The following LAMA5 variants were observed in gnomAD, a reference collection of about 807,000 sequenced individuals.
LAMA5 encodes laminin subunit alpha-5.
LAMA5 carries 260 observed loss-of-function variants against 433.4 expected under a neutral mutation model. The observed-to-expected ratio is 0.60, with a 90% confidence interval of 0.54 to 0.66. The LOEUF is 0.66. Ranked by LOEUF, LAMA5 falls within the 30% of genes least tolerant of loss-of-function variation. The pLI is 0.00. For synonymous variants in LAMA5, 2,620 were observed against 2,226.6 expected (o/e 1.18, Z -4.97); for missense variants, 5,378 against 5,258.5 (o/e 1.02, Z -0.70).
chr20:62,364,952 A>C (rs977143019), intron 1 of LAMA5, among the ~76,000 whole-genome samples: 3 of 152,118 alleles, frequency 2.0e-5, no homozygotes, highest in Non-Finnish European at 2.9e-5. Context: ...CCTTGCCCCA[A>C]CCGCAGCTCC....
In LAMA5 at chr20:62,320,822, G is replaced by A. The variant is rs1226336451; in HGVS notation, c.6565C>T (p.His2189Tyr). The change falls in exon 49 of 80, where the codon CAC (histidine) becomes TAC (tyrosine). Residue 2189 changes from histidine to tyrosine, a missense_variant. His to Tyr is a moderately conservative substitution (Grantham distance 83, BLOSUM62 2). Coordinates refer to ENST00000252999, the MANE Select transcript of LAMA5 (RefSeq NM_005560.6). ...GCATTGATGCCACGCAGTTGCTCGT[G>A]AATGGCGGGGAGGAGGGCGCCGGCC... ...ERAGALLPAI[H>Y]EQLRGINASS... 2 of 1,612,550 alleles carry A rather than the reference G, an allele frequency of 1.2e-6. No homozygotes were observed. The highest frequency in any genetic ancestry group is 1.3e-5 in the African/African-American group (1 of 74,958).
chr20:62,333,410 G>A lies in LAMA5; in HGVS notation c.3093C>T (p.Cys1031=), dbSNP rs1980880570. 6.2e-7 allele frequency: 1 copy of A among 1,612,744 alleles called. No homozygotes were observed. Among genetic ancestry groups the A allele is most frequent in the Non-Finnish European group, 8.5e-7 (1 of 1,179,902 alleles). ...ACTGCTGGGCAGAGGGACGGTATGTGCAGGCCTCAGTCACCCGCAGCTGCA... is the reference window on the plus strand; with the variant it reads ...ACTGCTGGGCAGAGGGACGGTATGTACAGGCCTCAGTCACCCGCAGCTGCA... ...ALLQLRVTEA[C]TYRPSAQQSG... is the part of the protein sequence containing the mutation. Residue 1031 remains cysteine, a synonymous_variant, in exon 25 of 80, where the codon TGC becomes TGT. Transcript: ENST00000252999.
intron 32 of LAMA5, among the ~76,000 whole-genome samples, chr20:62,329,494 CTCTG>C (rs1273050403): frequency 2.6e-5 from 4 of 152,200 alleles, no homozygotes; most frequent in South Asian, 2.1e-4. Flanking sequence ...TCTCCCACAT[CTCTG>C]TCTGCTGGCC....
rs1156445113 is a variant in LAMA5 at position 62,347,007 on chromosome 20, G to C, written c.978C>G (p.His326Gln). The C allele has an allele frequency of 6.2e-7, 1 of 1,611,630 alleles. No individual in the cohort carries two copies. The highest frequency in any genetic ancestry group is 8.5e-7 in the Non-Finnish European group (1 of 1,179,888). Residue 326 changes from histidine (H) to glutamine (Q), a missense_variant, in exon 7 of 80, where the codon CAC becomes CAG. Physicochemically the swap from His to Gln is conservative, Grantham distance 24 (BLOSUM62 0). Transcript: ENST00000252999. The part of the protein sequence containing the change: ...DPFRLQCTCQ[H>Q]NTCGGTCDRC... Reference sequence around the variant, plus strand: ...GGTCGCAGGTGCCCCCGCAGGTGTTGTGCTGGCAGGTGCACTGCAGCCTGT... The same window carrying C: ...GGTCGCAGGTGCCCCCGCAGGTGTTCTGCTGGCAGGTGCACTGCAGCCTGT...
At chr20:62,365,117 G>A (rs144690307) in intron 1 of LAMA5, among the ~76,000 whole-genome samples, 137 of 152,366 alleles carry the variant, frequency 9.0e-4, no homozygotes, top group African/African-American at 2.2e-3. Flanking sequence ...CAGCCTCAGC[G>A]GGCACTCACT....
In LAMA5 at chr20:62,312,214, T is replaced by C; in HGVS notation, c.9463A>G (p.Ser3155Gly). 2 of 1,610,462 alleles carry C rather than the reference T, an allele frequency of 1.2e-6. No homozygotes were observed. Among genetic ancestry groups the C allele is most frequent in the Middle Eastern group, 1.7e-4 (1 of 6,056 alleles). ...TAGAGCAGGGCACTGTCCTGGGCGC[T>C]GTGGAAGCCGAAGCCGGAGTAGACG... ...GNVYSGFGFHSAQDSALLYYR... is the reference protein window; with the variant it reads ...GNVYSGFGFHGAQDSALLYYR... Residue 3155 changes from serine (S) to glycine (G), a missense_variant, in exon 69 of 80, where the codon AGC (serine) becomes GGC (glycine). Ser to Gly is a moderately conservative substitution (Grantham distance 56). Coordinates refer to ENST00000252999, the MANE Select transcript of LAMA5 (RefSeq NM_005560.6).
At position 62,311,853 on chromosome 20, in the gene LAMA5, G is replaced by C; in HGVS notation, c.9635+67C>G. 2.1e-6 allele frequency: 3 copies of C among 1,398,656 alleles called. No homozygotes were observed. In the South Asian group the frequency reaches 3.8e-5, roughly 17 times the overall value. The allele number at this position is 1,398,656 out of a possible 1,614,324, so 86.6% of individuals were successfully genotyped here. A position where few individuals can be genotyped will look rare whatever the true frequency, so the allele number is the denominator to read the frequency against. On this transcript the variant is annotated intron_variant, in intron 70 of 79. Transcript: ENST00000252999. Reference sequence around the variant, plus strand: ...CCACCCCCACCTCAGAGGAGACAGAGGTCCAGGCAAGTGCAGGCGGGCGTC... The same window carrying C: ...CCACCCCCACCTCAGAGGAGACAGACGTCCAGGCAAGTGCAGGCGGGCGTC...
At chr20:62,348,169 C>T (rs865916431) in intron 6 of LAMA5, among the ~76,000 whole-genome samples, 15 of 152,194 alleles carry the variant, frequency 9.9e-5, no homozygotes, top group Middle Eastern at 3.4e-3. Flanking sequence ...TCCCAGGGCA[C>T]GCCAGAAGCA....
chr20:62,316,653 T>G lies in LAMA5; in HGVS notation c.7756+18A>C, dbSNP rs767641431. The stretch of plus-strand genomic sequence containing the variant: ...TGCCCAGCAGGCCTAAGGGCCCCCA[T>G]CGGAGCCCAGCACTCACCAAGGCCC... On this transcript the variant is annotated intron_variant, in intron 57 of 79. Transcript: ENST00000252999. 5 of 1,532,022 alleles carry G rather than the reference T, an allele frequency of 3.3e-6. No individual in the cohort carries two copies. The highest frequency in any genetic ancestry group is 4.4e-6 in the Non-Finnish European group (5 of 1,133,854). The allele number at this position is 1,532,022 out of a possible 1,614,324, so 94.9% of individuals were successfully genotyped here.
At position 62,324,072 on chromosome 20, in the gene LAMA5, T is replaced by C. The variant is rs753970174; in HGVS notation, c.5768+8A>G. Reference sequence around the variant, plus strand: ...TCAGGGCCTCGTCCCGGGAGGAGGCTGGCTTACTTGTTGGAAGGCACTGAG... The same window carrying C: ...TCAGGGCCTCGTCCCGGGAGGAGGCCGGCTTACTTGTTGGAAGGCACTGAG... On this transcript the variant is annotated splice_region_variant and intron_variant, in intron 43 of 79. Transcript: ENST00000252999. This position sits in a 1 kb window ranked among gnomAD's most constrained non-coding sequence, Gnocchi z 4.4. 2 of 1,502,376 alleles carry C rather than the reference T, an allele frequency of 1.3e-6. No homozygotes were observed. The highest frequency in any genetic ancestry group is 1.8e-6 in the Non-Finnish European group (2 of 1,128,284). The allele number at this position is 1,502,376 out of a possible 1,614,324, so 93.1% of individuals were successfully genotyped here. A position where few individuals can be genotyped will look rare whatever the true frequency, so the allele number is the denominator to read the frequency against.
At chr20:62,309,548 C>CA (rs1241407332) in intron 79 of LAMA5, 73 bp from the exon 80 acceptor site, 1 of 1,253,272 alleles carries the variant, frequency 8.0e-7, no homozygotes, top group Non-Finnish European at 1.1e-6. Flanking sequence ...TCCCAAACGT[C>CA]AGTGCCCCAC....
chr20:62,328,773 G>A, intron 34 of LAMA5, 71 bp downstream of exon 34: 2 of 1,440,006 alleles, frequency 1.4e-6, no homozygotes, highest in Non-Finnish European at 9.6e-7. Context: ...CCTGCTTTCT[G>A]GTCGACCCGT....
intron 16 of LAMA5, chr20:62,337,010 C>T (rs1601369067): frequency 2.9e-6 from 2 of 680,500 alleles, no homozygotes; most frequent in Non-Finnish European, 5.4e-6. Context: ...TGCACGCAAA[C>T]GTGCACCGCG....
In LAMA5 at chr20:62,318,933, C is replaced by G; in HGVS notation, c.6952G>C (p.Glu2318Gln). Residue 2318 changes from glutamate to glutamine, a missense_variant, in exon 52 of 80, where the codon GAG (glutamate) becomes CAG (glutamine). Transcript: ENST00000252999. The stretch of plus-strand genomic sequence containing the variant: ...ATCTCCCAGAGCAGCCGCTCCACCT[C>G]GGCCAGTGTCCGGAGCAGCTGCTCA... ...SGEQLLRTLA[E>Q]VERLLWEMRA... is the part of the protein sequence containing the mutation. The G allele has an allele frequency of 1.9e-6, 3 of 1,599,962 alleles. No individual in the cohort carries two copies. Among genetic ancestry groups the G allele is most frequent in the Non-Finnish European group, 2.6e-6 (3 of 1,175,598 alleles).
At chr20:62,317,133 C>A in intron 55 of LAMA5, 110 bp from the exon 56 acceptor site, 1 of 1,317,912 alleles carries the variant, frequency 7.6e-7, no homozygotes, top group Non-Finnish European at 1.0e-6. Context: ...CCGCCAAGTC[C>A]CGCCTCCAGG....
Position 62,330,767 on chromosome 20 carries a change from C to T in LAMA5, c.3828G>A (p.Glu1276=), listed in dbSNP as rs1490034421. 6.4e-7 allele frequency: 1 copy of T among 1,562,984 alleles called. No individual in the cohort carries two copies. The change falls in exon 30 of 80, where the codon GAG becomes GAA. Residue 1276 remains glutamate (E), a synonymous_variant. Transcript: ENST00000252999. The part of the protein sequence containing the change: ...RPPTAVDPDA[E]PTLLREPQAT... ...CCTGGGGCTCACGCAGCAGGGTGGGCTCTGCATCAGGGTCCACAGCGGTGG... is the reference window on the plus strand; with the variant it reads ...CCTGGGGCTCACGCAGCAGGGTGGGTTCTGCATCAGGGTCCACAGCGGTGG...
At chr20:62,309,621 G>GGT (rs1985929938) in intron 79 of LAMA5, 95 bp downstream of exon 79, 10 of 527,830 alleles carry the variant, frequency 1.9e-5, no homozygotes, top group East Asian at 4.1e-5. Context: ...GGGTGGGAGG[G>GGT]GGCAGGGGGT....
intron 32 of LAMA5, 106 bp downstream of exon 32, chr20:62,329,671 G>C (rs1979984025): frequency 7.2e-7 from 1 of 1,397,042 alleles, no homozygotes; most frequent in Non-Finnish European, 9.8e-7. Context: ...CACAAGGCCA[G>C]GCCTCAGCAG....
At position 62,313,201 on chromosome 20, in the gene LAMA5, C is replaced by T. The variant is rs529211517; in HGVS notation, c.8842G>A (p.Gly2948Ser). The T allele has an allele frequency of 5.6e-5, 87 of 1,560,600 alleles. No homozygotes were observed. In the East Asian group the frequency reaches 1.7e-3, roughly 30 times the overall value. The change falls in exon 65 of 80, where the codon GGC (glycine) becomes AGC (serine). Residue 2948 changes from glycine to serine, a missense_variant. Transcript: ENST00000252999. ...AAGCTGATGCGGGCGAAGCCGGTGC[C>T]GTCCAGGTAGGAGCCGTCCGTGAGC... ...PWLTDGSYLD[G>S]TGFARISFDS...
Sources: gnomAD v4.1 joint callset for allele counts (sites outside exome capture counted in the v4.1 genomes callset) on GRCh38, gnomAD v4.1.1 for gene constraint, Gnocchi (gnomAD v3.1) non-coding constraint, MANE v1.5 for transcripts, NCBI Gene and HGNC (gene_info 2026-07-23, HGNC 2026-07-21) for gene names.